The following STK3 variants were observed in gnomAD, a reference collection of about 807,000 sequenced individuals.
STK3 encodes the protein serine/threonine-protein kinase 3.
In STK3, 41 loss-of-function variants were observed where a neutral mutation model predicts 58.0. That is an observed-to-expected ratio of 0.71 (90% confidence interval 0.55 to 0.92). The LOEUF (loss-of-function observed/expected upper bound fraction) is 0.92, where lower values mean the gene tolerates loss of function less well. STK3 is among the 40% of genes least tolerant of loss of function. The probability of loss-of-function intolerance (pLI) is 0.00; values close to 1 mark genes in which losing one functional copy is unlikely to be tolerated. For synonymous variants in STK3, 170 were observed against 191.0 expected, an observed-to-expected ratio of 0.89 and a Z score of 0.91; for missense variants, 479 against 602.7, an observed-to-expected ratio of 0.79 and a Z score of 2.15.
intron 1 of STK3, among the ~76,000 whole-genome samples, chr8:98,941,983 C>A (rs1196261680): frequency 6.6e-6 from 1 of 152,252 alleles, no homozygotes; most frequent in Non-Finnish European, 1.5e-5. Context: ...AGCCGGGCCA[C>A]TGCAGACTCC....
chr8:98,608,135 C>T (rs1816912395), intron 6 of STK3, among the ~76,000 whole-genome samples: 1 of 151,936 alleles, frequency 6.6e-6, no homozygotes, highest in Non-Finnish European at 1.5e-5. Context: ...TACCAGAAAA[C>T]AAATGATTAG....
chr8:98,831,117 A>G (rs545830432), intron 3 of STK3, among the ~76,000 whole-genome samples: 2 of 152,286 alleles, frequency 1.3e-5, no homozygotes, highest in East Asian at 1.9e-4. Context: ...GAGAAATGGG[A>G]AAGAAATCTG....
intron 3 of STK3, among the ~76,000 whole-genome samples, chr8:98,852,732 G>A (rs1836523881): frequency 6.6e-6 from 1 of 151,922 alleles, no homozygotes; most frequent in Admixed American, 6.6e-5. Context: ...TACTACTGTG[G>A]GTCTCATGTT....
At chr8:98,833,807 G>A (rs1587725136) in intron 3 of STK3, among the ~76,000 whole-genome samples, 1 of 152,166 alleles carries the variant, frequency 6.6e-6, no homozygotes, top group African/African-American at 2.4e-5. Flanking sequence ...GTTGAGGGGG[G>A]TTAGATTTTA....
upstream of STK3, among the ~76,000 whole-genome samples, chr8:98,390,236 T>G: frequency 6.6e-6 from 1 of 152,372 alleles, no homozygotes; most frequent in South Asian, 2.1e-4. Context: ...TTAGTTTTCT[T>G]TATTCTGATT....
chr8:98,797,102 T>G (rs1157127351), intron 1 of STK3, among the ~76,000 whole-genome samples: 1 of 152,222 alleles, frequency 6.6e-6, no homozygotes, highest in Non-Finnish European at 1.5e-5. Flanking sequence ...GACACCATCT[T>G]CCAGTAGAAA....
At chr8:98,747,173 A>G (rs923784207) in intron 4 of STK3, among the ~76,000 whole-genome samples, 1 of 152,084 alleles carries the variant, frequency 6.6e-6, no homozygotes, top group Non-Finnish European at 1.5e-5. Context: ...CAACTGAGAA[A>G]CACAGAAAGA....
intron 6 of STK3, among the ~76,000 whole-genome samples, chr8:98,605,964 A>C (rs1586992298): frequency 6.6e-6 from 1 of 152,160 alleles, no homozygotes; most frequent in Admixed American, 6.5e-5. Context: ...GCGGTAGCTC[A>C]TGCCTGTAAT....
chr8:98,793,769 C>G (rs1033802478), intron 1 of STK3, among the ~76,000 whole-genome samples: 1 of 152,054 alleles, frequency 6.6e-6, no homozygotes, highest in East Asian at 1.9e-4. Context: ...ATGGAAGATA[C>G]TACGAGATCA....
At chr8:98,388,554 A>G (rs907756035), upstream of STK3, among the ~76,000 whole-genome samples, 1 of 152,250 alleles carries the variant, frequency 6.6e-6, no homozygotes, top group African/African-American at 2.4e-5. Flanking sequence ...AGATCTAATC[A>G]TGGTTTCCAG....
rs1350012609 is a variant in STK3, at chr8:98,893,505, AAAGAAAGAAAG to A, written c.-78-9682_-78-9672del. On this transcript the variant is annotated intron_variant, in intron 1 of 1. Transcript: ENST00000519420. The stretch of plus-strand genomic sequence containing the variant: ...AAGAAAGAGAAAGAAAGAAAGAAAG[AAAGAAAGAAAG>A]AAAGAAAGAAAGAAAGAAAGAAAAA... Among the ~76,000 whole-genome samples the A allele has an allele frequency of 7.7e-4, 113 of 147,288 alleles. 1 individual carries two copies. The highest frequency in any genetic ancestry group is 1.5e-3 in the Non-Finnish European group (101 of 66,254).
At chr8:98,491,272 T>C (rs1822678994) in intron 10 of STK3, among the ~76,000 whole-genome samples, 1 of 152,178 alleles carries the variant, frequency 6.6e-6, no homozygotes, top group South Asian at 2.1e-4. Context: ...AATTTGGTAG[T>C]ATTTAAAAAA....
chr8:98,640,629 A>C (rs1819951398), intron 6 of STK3, among the ~76,000 whole-genome samples: 1 of 152,212 alleles, frequency 6.6e-6, no homozygotes, highest in East Asian at 1.9e-4. Flanking sequence ...TTTATTATTA[A>C]AGTATTAAAT....
intron 10 of STK3, among the ~76,000 whole-genome samples, chr8:98,512,385 T>A (rs1177257754): frequency 2.6e-5 from 4 of 152,176 alleles, no homozygotes; most frequent in African/African-American, 7.2e-5. Context: ...TCAACTTGTT[T>A]AAGGCAAATA....
chr8:98,426,678 A>T (rs1443172673), intron 3 of STK3, among the ~76,000 whole-genome samples: 1 of 152,158 alleles, frequency 6.6e-6, no homozygotes, highest in East Asian at 1.9e-4. Context: ...GTCCCCGGAC[A>T]CGCGCAAGCC....
intron 1 of STK3, among the ~76,000 whole-genome samples, chr8:98,888,998 A>G (rs552465327): frequency 6.6e-6 from 1 of 152,336 alleles, no homozygotes; most frequent in African/African-American, 2.4e-5. Context: ...TCCCAAGAGC[A>G]GAATTCAGCC....
At chr8:98,541,718 A>AG (rs1810294451) in intron 9 of STK3, among the ~76,000 whole-genome samples, 1 of 152,238 alleles carries the variant, frequency 6.6e-6, no homozygotes, top group Non-Finnish European at 1.5e-5. Flanking sequence ...AGTGTCTACA[A>AG]GGGTATCATG....
chr8:98,743,824 G>C (rs980961241), intron 4 of STK3, among the ~76,000 whole-genome samples: 1 of 151,772 alleles, frequency 6.6e-6, no homozygotes, highest in African/African-American at 2.4e-5. Context: ...GAAAATTTTC[G>C]CAACCTACTC....
At chr8:98,824,575 A>G (rs987720543) in intron 1 of STK3, among the ~76,000 whole-genome samples, 3 of 152,232 alleles carry the variant, frequency 2.0e-5, no homozygotes, top group African/African-American at 4.8e-5. Flanking sequence ...GTGCTCTGAC[A>G]GCAGGTCCCT....
Sources: allele counts gnomAD v4.1 joint callset (sites outside exome capture counted in the v4.1 genomes callset), GRCh38; gene constraint gnomAD v4.1.1; transcripts MANE v1.5; gene names NCBI Gene and HGNC (gene_info 2026-07-23, HGNC 2026-07-21).